The following HNRNPH3 variants were observed in gnomAD, a reference collection of about 807,000 sequenced individuals.
HNRNPH3 encodes the protein heterogeneous nuclear ribonucleoprotein H3, also known as heterogeneous nuclear ribonucleoprotein 2H9.
In HNRNPH3, 7 loss-of-function variants were observed where a neutral mutation model predicts 47.0. The ratio of observed to expected loss-of-function variants is 0.15; its 90% CI spans 0.08 to 0.28. HNRNPH3 has a LOEUF of 0.28. Ranked by LOEUF, HNRNPH3 falls within the 10% of genes least tolerant of loss-of-function variation. The pLI is 1.00. For missense variants in HNRNPH3, 279 were observed against 449.6 expected (o/e 0.62, Z 3.43); for synonymous variants, 120 against 143.2 (o/e 0.84, Z 1.16).
At chr10:68,334,775 T>C (rs1298722417) in intron 1 of HNRNPH3, among the ~76,000 whole-genome samples, 2 of 152,304 alleles carry the variant, frequency 1.3e-5, no homozygotes, top group Non-Finnish European at 2.9e-5. Context: ...CACCTAGAAT[T>C]CTTAAAGCAG....
chr10:68,339,851 T>A (rs766244232), intron 6 of HNRNPH3, among the ~76,000 whole-genome samples: 84 of 151,916 alleles, frequency 5.5e-4, no homozygotes, highest in Non-Finnish European at 7.4e-4. Context: ...GCTAATTAGA[T>A]CTACCTTTAA....
intron 1 of HNRNPH3, among the ~76,000 whole-genome samples, chr10:68,335,296 A>G (rs1046665433): frequency 2.0e-5 from 3 of 149,402 alleles, no homozygotes; most frequent in Non-Finnish European, 3.0e-5. Flanking sequence ...AGATCCTCTC[A>G]CAACAGATTA....
rs1431374215 is a variant in HNRNPH3, at chr10:68,337,411, A to C, written c.112+78A>C. ...TGTTTTACTGTTTTTAATTTGTAAA[A>C]CCCATTTGATTTTGGAACTTTTAAG... On this transcript the variant is annotated intron_variant, in intron 2 of 9. Transcript: ENST00000265866. The surrounding 1 kb of genome is among the most constrained non-coding windows in gnomAD (Gnocchi z 4.5). The C allele has an allele frequency of 1.1e-6, 1 of 927,072 alleles. No individual in the cohort carries two copies. The highest frequency in any genetic ancestry group is 1.7e-6 in the Non-Finnish European group (1 of 593,936). 57.4% of individuals were successfully genotyped at this position (927,072 alleles called of 1,614,324 possible).
In HNRNPH3 at chr10:68,341,633, C is replaced by T; in HGVS notation, c.824C>T (p.Ser275Phe). Reference sequence around the variant, plus strand: ...TTGAATTCTACTCCTGGAGGCGGCTCTGGCATGGGAGGTTCTGGAATGGGA... The same window carrying T: ...TTGAATTCTACTCCTGGAGGCGGCTTTGGCATGGGAGGTTCTGGAATGGGA... Reference protein sequence around the residue: ...LFLNSTPGGGSGMGGSGMGGY... With the variant: ...LFLNSTPGGGFGMGGSGMGGY... Residue 275 changes from serine (S) to phenylalanine (F), a missense_variant, in exon 8 of 10, where the codon TCT (serine) becomes TTT (phenylalanine). Coordinates refer to ENST00000265866, the MANE Select transcript of HNRNPH3 (RefSeq NM_012207.3). 6.2e-7 allele frequency: 1 copy of T among 1,613,712 alleles called. No homozygotes were observed. Among genetic ancestry groups the T allele is most frequent in the Non-Finnish European group, 8.5e-7 (1 of 1,179,740 alleles).
chr10:68,334,117 A>G (rs1267936742), intron 1 of HNRNPH3, among the ~76,000 whole-genome samples: 7 of 152,204 alleles, frequency 4.6e-5, no homozygotes, highest in African/African-American at 1.7e-4. Flanking sequence ...GTTCTAGTGA[A>G]CTAACATTTT....
At chr10:68,333,122 AGG>A (rs2045296311) in intron 1 of HNRNPH3, 1 of 147,644 alleles carries the variant, frequency 6.8e-6, no homozygotes, top group Admixed American at 6.9e-5. Flanking sequence ...GATTTTCCAA[AGG>A]GTTTTTTTTT....
Position 68,343,164 on chromosome 10 carries a change from T to G in HNRNPH3, c.*1110T>G, listed in dbSNP as rs1408972395. On this transcript the variant is annotated 3_prime_UTR_variant, in exon 10 of 10. Coordinates refer to ENST00000265866, the MANE Select transcript of HNRNPH3 (RefSeq NM_012207.3). ...TGTTACTTGTTTTTGCCAGAAATGT[T>G]ATTAATAAATGTCATTGTGGGAGAT... is the stretch of plus-strand genomic sequence containing the variant. The G allele has an allele frequency of 6.6e-6, 1 of 152,238 alleles. No homozygotes were observed. Among genetic ancestry groups the G allele is most frequent in the Non-Finnish European group, 1.5e-5 (1 of 68,032 alleles). 9.4% of individuals were successfully genotyped at this position (152,238 alleles called of 1,614,324 possible).
At chr10:68,338,914 T>C (rs1419015522) in intron 4 of HNRNPH3, 7 of 531,192 alleles carry the variant, frequency 1.3e-5, no homozygotes, top group Non-Finnish European at 2.3e-5. Context: ...ATTTTGACCT[T>C]TTTTTGCCTA....
intron 9 of HNRNPH3, 63 bp from the exon 10 acceptor site, chr10:68,341,915 A>G (rs1589730123): frequency 8.2e-6 from 13 of 1,587,804 alleles, no homozygotes; most frequent in Non-Finnish European, 9.5e-6. Context: ...AAGTGCAGGT[A>G]TTACTTTTAT....
In HNRNPH3 at chr10:68,342,100, A is replaced by G. The variant is rs1422703090; in HGVS notation, c.*46A>G. 5.3e-6 allele frequency: 7 copies of G among 1,331,570 alleles called. No homozygotes were observed. The East Asian group carries it at 1.7e-4, about 32-fold the overall frequency. The allele number at this position is 1,331,570 out of a possible 1,614,324, so 82.5% of individuals were successfully genotyped here. On this transcript the variant is annotated 3_prime_UTR_variant, in exon 10 of 10. Coordinates refer to ENST00000265866, the MANE Select transcript of HNRNPH3 (RefSeq NM_012207.3). ...AAGTCTTGACAACAGCATCTGGTCT[A>G]CTAGACTTTCTTACAGATTTAATTT...
chr10:68,332,371 C>T (rs1399539880), intron 1 of HNRNPH3, 155 bp downstream of exon 1: 2 of 152,218 alleles, frequency 1.3e-5, no homozygotes, highest in Non-Finnish European at 2.9e-5. Context: ...CCTCCCCGAC[C>T]ATCTCCCACT....
rs2045611147 is a variant in HNRNPH3, at chr10:68,337,669, C to T, written c.113-189C>T. ...AATTACACAGTGTTTTTACACTGGT[C>T]GCAAAAAATTTATTTAATCCAGTAA... On this transcript the variant is annotated intron_variant, in intron 2 of 9. Coordinates refer to ENST00000265866, the MANE Select transcript of HNRNPH3 (RefSeq NM_012207.3). This position sits in a 1 kb window ranked among gnomAD's most constrained non-coding sequence, Gnocchi z 4.5. The T allele has an allele frequency of 7.4e-6, 4 of 540,886 alleles. No homozygotes were observed. Among genetic ancestry groups the T allele is most frequent in the Admixed American group, 3.4e-5 (1 of 29,334 alleles). 33.5% of individuals were successfully genotyped at this position (540,886 alleles called of 1,614,324 possible).
At chr10:68,338,771 A>ACTGCC in intron 4 of HNRNPH3, 84 bp downstream of exon 4, 1 of 1,124,986 alleles carries the variant, frequency 8.9e-7, no homozygotes, top group Non-Finnish European at 1.3e-6. Flanking sequence ...AAATGGCAGT[A>ACTGCC]ATTTCAGTAC....
chr10:68,342,110 C>A lies in HNRNPH3; in HGVS notation c.*56C>A. ...AACAGCATCTGGTCTACTAGACTTT[C>A]TTACAGATTTAATTTCTTTTGTATT... On this transcript the variant is annotated 3_prime_UTR_variant, in exon 10 of 10. Coordinates refer to ENST00000265866, the MANE Select transcript of HNRNPH3 (RefSeq NM_012207.3). The A allele has an allele frequency of 3.3e-6, 4 of 1,207,700 alleles. No individual in the cohort carries two copies. The highest frequency in any genetic ancestry group is 4.7e-6 in the Non-Finnish European group (4 of 856,960). 74.8% of individuals were successfully genotyped at this position (1,207,700 alleles called of 1,614,324 possible).
intron 4 of HNRNPH3, 164 bp from the exon 5 acceptor site, chr10:68,338,976 A>T: frequency 1.8e-6 from 1 of 562,872 alleles, no homozygotes; most frequent in Non-Finnish European, 3.0e-6. Context: ...CTGAGATTTT[A>T]AATTTCCATC....
Position 68,342,324 on chromosome 10 carries a change from TTCA to T in HNRNPH3, c.*272_*274del, listed in dbSNP as rs2134811406. ...TAGTTACTCCTAAAGATGTGCTGCCTTCATAAGATTTGGGTTGATGTATTTTAC... is the reference window on the plus strand; with the variant it reads ...TAGTTACTCCTAAAGATGTGCTGCCTTAAGATTTGGGTTGATGTATTTTAC... On this transcript the variant is annotated 3_prime_UTR_variant, in exon 10 of 10. Transcript: ENST00000265866. The T allele has an allele frequency of 3.2e-6, 1 of 316,910 alleles. No individual in the cohort carries two copies. The highest frequency in any genetic ancestry group is 6.3e-5 in the East Asian group (1 of 15,912). The allele number at this position is 316,910 out of a possible 1,614,324, so 19.6% of individuals were successfully genotyped here.
At chr10:68,332,408 G>A (rs1284031545) in intron 1 of HNRNPH3, among the ~76,000 whole-genome samples, 192 bp downstream of exon 1, 1 of 152,202 alleles carries the variant, frequency 6.6e-6, no homozygotes, top group Non-Finnish European at 1.5e-5. Flanking sequence ...GCCGATGGGA[G>A]GACTTGCTCA....
rs1238349290 is a variant in HNRNPH3 at position 68,342,298 on chromosome 10, C to G, written c.*244C>G. The G allele has an allele frequency of 5.0e-6, 2 of 397,254 alleles. No individual in the cohort carries two copies. Among genetic ancestry groups the G allele is most frequent in the Non-Finnish European group, 9.0e-6 (2 of 221,374 alleles). 24.6% of individuals were successfully genotyped at this position (397,254 alleles called of 1,614,324 possible). The stretch of plus-strand genomic sequence containing the variant: ...CACTGATGTTGATACTTTTTATATA[C>G]TAGTTACTCCTAAAGATGTGCTGCC... On this transcript the variant is annotated 3_prime_UTR_variant, in exon 10 of 10. Transcript: ENST00000265866.
chr10:68,339,159 C>G lies in HNRNPH3; in HGVS notation c.456C>G (p.Asp152Glu). 6.2e-7 allele frequency: 1 copy of G among 1,609,598 alleles called. No homozygotes were observed. The highest frequency in any genetic ancestry group is 8.5e-7 in the Non-Finnish European group (1 of 1,176,054). The change falls in exon 5 of 10, where the codon GAC becomes GAG. Residue 152 changes from aspartate to glutamate, a missense_variant. Asp to Glu is a conservative substitution (Grantham distance 45, BLOSUM62 2). Transcript: ENST00000265866. Reference protein sequence around the residue: ...GYDGGYGGFDDYGGYNNYGYG... With the variant: ...GYDGGYGGFDEYGGYNNYGYG... ...ACACAGGTTATGGAGGTTTTGATGACTATGGTGGCTATAATAATTACGGCT... is the reference window on the plus strand; with the variant it reads ...ACACAGGTTATGGAGGTTTTGATGAGTATGGTGGCTATAATAATTACGGCT...
Sources: gnomAD v4.1 joint callset for allele counts (sites outside exome capture counted in the v4.1 genomes callset) on GRCh38, gnomAD v4.1.1 for gene constraint, Gnocchi (gnomAD v3.1) non-coding constraint, MANE v1.5 for transcripts, NCBI Gene and HGNC (gene_info 2026-07-23, HGNC 2026-07-21) for gene names.